The following STX8 variants were observed in gnomAD, a reference collection of about 807,000 sequenced individuals.
The protein encoded by STX8 is syntaxin 8, also known as syntaxin-8.
STX8 carries 23 observed loss-of-function variants against 37.5 expected under a neutral mutation model. The ratio of observed to expected loss-of-function variants is 0.61; its 90% CI spans 0.44 to 0.87. The LOEUF is 0.87. Ranked by LOEUF, STX8 falls within the 40% of genes least tolerant of loss-of-function variation. The pLI, the probability that STX8 is intolerant of heterozygous loss-of-function variation, is 0.00. For synonymous variants in STX8, 115 were observed against 99.1 expected, an observed-to-expected ratio of 1.16 and a Z score of -0.95; for missense variants, 313 against 284.7, an observed-to-expected ratio of 1.10 and a Z score of -0.71.
At chr17:9,337,529 G>A (rs947483526) in intron 7 of STX8, among the ~76,000 whole-genome samples, 2 of 152,244 alleles carry the variant, frequency 1.3e-5, no homozygotes, top group South Asian at 2.1e-4. Flanking sequence ...ACCATGCCCC[G>A]CTAATTTTTG....
At position 9,329,050 on chromosome 17, in the gene STX8, CAAAAAAAAAAAAA is replaced by C. The variant is rs998679728; in HGVS notation, c.643+49489_643+49501del. On this transcript the variant is annotated intron_variant, in intron 7 of 7. Transcript: ENST00000306357. Reference sequence around the variant, plus strand: ...GGGCGACAAGAGCGAGATTCCATCTCAAAAAAAAAAAAAAAAAAAAAAAAAAAAAAAAAGATGG... The same window carrying C: ...GGGCGACAAGAGCGAGATTCCATCTCAAAAAAAAAAAAAAAAAAAAGATGG... 2.5e-3 allele frequency among the ~76,000 whole-genome samples: 70 copies of C among 27,992 alleles called. 1 individual carries two copies. The East Asian group carries it at 0.034, about 14-fold the overall frequency. 18.4% of individuals were successfully genotyped at this position (27,992 alleles called of 152,430 possible).
intron 2 of STX8, among the ~76,000 whole-genome samples, chr17:9,561,055 A>G (rs1206114109): frequency 6.6e-6 from 1 of 152,176 alleles, no homozygotes; most frequent in Non-Finnish European, 1.5e-5. Context: ...ATGACACACC[A>G]AAGTAAACAC....
At chr17:9,574,983 TAAC>T (rs898549541) in intron 1 of STX8, among the ~76,000 whole-genome samples, 15 of 152,222 alleles carry the variant, frequency 9.9e-5, no homozygotes, top group African/African-American at 3.6e-4. Context: ...ATATTAGAAA[TAAC>T]AACATAAGAC....
chr17:9,377,702 CAG>C (rs776619075), intron 7 of STX8, among the ~76,000 whole-genome samples: 1 of 152,000 alleles, frequency 6.6e-6, no homozygotes, highest in Admixed American at 6.6e-5. Context: ...TTTATAGAGA[CAG>C]AGAGGTCTTG....
intron 6 of STX8, among the ~76,000 whole-genome samples, chr17:9,474,082 A>G (rs1205898541): frequency 2.0e-5 from 3 of 152,086 alleles, no homozygotes; most frequent in Non-Finnish European, 4.4e-5. Flanking sequence ...ACCCTTGAAC[A>G]AGGTTCAGGG....
intron 7 of STX8, among the ~76,000 whole-genome samples, chr17:9,375,938 T>C (rs1911565784): frequency 6.6e-6 from 1 of 152,166 alleles, no homozygotes; most frequent in African/African-American, 2.4e-5. Flanking sequence ...GAGCTCACTC[T>C]CATGATATCT....
chr17:9,497,679 T>C (rs1904457168), intron 5 of STX8, among the ~76,000 whole-genome samples: 2 of 152,204 alleles, frequency 1.3e-5, no homozygotes, highest in Non-Finnish European at 2.9e-5. Flanking sequence ...CCCTAAGAGC[T>C]GCAACTACAG....
chr17:9,485,118 G>A (rs959535308), intron 6 of STX8, among the ~76,000 whole-genome samples: 7 of 99,826 alleles, frequency 7.0e-5, no homozygotes, highest in East Asian at 6.3e-4. Context: ...CCAAGACCTT[G>A]TCGCTTAGAA....
intron 3 of STX8, among the ~76,000 whole-genome samples, chr17:9,555,919 G>T (rs1906949657): frequency 6.6e-6 from 1 of 151,528 alleles, no homozygotes; most frequent in Admixed American, 6.6e-5. Flanking sequence ...AAAATTAGCT[G>T]GGCACAATGG....
chr17:9,257,435 A>G (rs935008321), intron 7 of STX8, among the ~76,000 whole-genome samples: 9 of 152,118 alleles, frequency 5.9e-5, no homozygotes, highest in African/African-American at 2.2e-4. Flanking sequence ...GGTGTAGGTA[A>G]CAGCTCTCAG....
At chr17:9,384,591 A>G (rs958062986) in intron 6 of STX8, among the ~76,000 whole-genome samples, 1 of 146,430 alleles carries the variant, frequency 6.8e-6, no homozygotes, top group Non-Finnish European at 1.5e-5. Context: ...AGAGCCAAGA[A>G]AGGCACCCAC....
At chr17:9,519,176 A>G (rs1331873197) in intron 4 of STX8, among the ~76,000 whole-genome samples, 2 of 152,138 alleles carry the variant, frequency 1.3e-5, no homozygotes, top group Non-Finnish European at 2.9e-5. Flanking sequence ...CTCTACCCAT[A>G]ATATCTCCCT....
intron 6 of STX8, among the ~76,000 whole-genome samples, chr17:9,423,119 A>C (rs1249239304): frequency 6.6e-6 from 1 of 152,246 alleles, no homozygotes; most frequent in East Asian, 1.9e-4. Context: ...ATATCTGGGT[A>C]ACACTTTCCC....
intron 6 of STX8, among the ~76,000 whole-genome samples, chr17:9,452,811 TTC>T (rs939541188): frequency 1.7e-4 from 23 of 136,962 alleles, no homozygotes; most frequent in South Asian, 8.0e-4. Context: ...TTGTTTTTTT[TTC>T]TTTTTAGACA....
intron 7 of STX8, among the ~76,000 whole-genome samples, chr17:9,253,298 T>C (rs1389141704): frequency 2.0e-5 from 3 of 151,814 alleles, no homozygotes; most frequent in African/African-American, 7.3e-5. Context: ...TGTGTGTGTA[T>C]GCGTATGTGT....
At chr17:9,331,004 C>T (rs1260562186) in intron 7 of STX8, among the ~76,000 whole-genome samples, 1 of 151,970 alleles carries the variant, frequency 6.6e-6, no homozygotes, top group Non-Finnish European at 1.5e-5. Flanking sequence ...ACTCTTCAAC[C>T]CCCTCTCACT....
intron 4 of STX8, among the ~76,000 whole-genome samples, chr17:9,521,465 C>T (rs1404343301): frequency 6.6e-6 from 1 of 152,182 alleles, no homozygotes; most frequent in South Asian, 2.1e-4. Context: ...ATAACAATCC[C>T]AGAGTTAAAC....
At chr17:9,317,600 C>T (rs112273757) in intron 7 of STX8, among the ~76,000 whole-genome samples, 2,691 of 152,040 alleles carry the variant, frequency 0.018, 80 homozygotes, top group African/African-American at 0.062. Flanking sequence ...CCCGTCTCTA[C>T]TAAAAATACA....
intron 7 of STX8, among the ~76,000 whole-genome samples, chr17:9,355,598 G>A (rs2142251567): frequency 6.6e-6 from 1 of 151,404 alleles, no homozygotes; most frequent in Admixed American, 6.6e-5. Flanking sequence ...CGCCTCCCGA[G>A]TTCAAGCGAT....
Sources: gnomAD v4.1 joint callset for allele counts (sites outside exome capture counted in the v4.1 genomes callset) on GRCh38, gnomAD v4.1.1 for gene constraint, MANE v1.5 for transcripts, NCBI Gene and HGNC (gene_info 2026-07-23, HGNC 2026-07-21) for gene names.